NR4A1: variants seen among roughly 807,000 people sequenced by gnomAD.
NR4A1 encodes the protein nuclear receptor subfamily 4 group A member 1, also known as nuclear receptor subfamily 4immunitygroup A member 1.
In NR4A1, 24 loss-of-function variants were observed where a neutral mutation model predicts 47.5. The ratio of observed to expected loss-of-function variants is 0.50; its 90% confidence interval spans 0.37 to 0.71. NR4A1 has a LOEUF of 0.71. Among genes scored for constraint, NR4A1 ranks in the 30% least tolerant of loss-of-function variants. NR4A1 has a pLI of 0.00. For missense variants in NR4A1, 669 were observed against 788.6 expected (o/e 0.85, Z 1.82); for synonymous variants, 353 against 345.7 (o/e 1.02, Z -0.24).
At chr12:52,032,316 A>G (rs567805785) in intron 1 of NR4A1, among the ~76,000 whole-genome samples, 2 of 152,346 alleles carry the variant, frequency 1.3e-5, no homozygotes, top group South Asian at 4.1e-4. Context: ...CTCTTCTTTG[A>G]GGTGGGACAC....
chr12:52,047,589 T>A (rs1328975036), upstream of NR4A1, among the ~76,000 whole-genome samples: 4 of 152,218 alleles, frequency 2.6e-5, no homozygotes, highest in Admixed American at 6.5e-5. Flanking sequence ...CTGTAGTTCC[T>A]TATCCTCCTC....
Position 52,054,334 on chromosome 12 carries a change from C to G in NR4A1, c.6C>G (p.Pro2=), listed in dbSNP as rs1939128800. 6.2e-7 allele frequency: 1 copy of G among 1,607,216 alleles called. No individual in the cohort carries two copies. The highest frequency in any genetic ancestry group is 1.1e-5 in the South Asian group (1 of 90,242). Residue 2 remains proline, a synonymous_variant, in exon 2 of 7, where the codon CCC becomes CCG. Transcript: ENST00000394825. ...GGTCTCCTCTCTCTCCAGAGATGCC[C>G]TGTATCCAAGCCCAATATGGGACAC... M[P]CIQAQYGTPA... is the part of the protein sequence containing the mutation.
Position 52,058,866 on chromosome 12 carries a change from C to T in NR4A1, c.1719C>T (p.Ile573=). The change falls in exon 7 of 7, where the codon ATC becomes ATT. Residue 573 remains isoleucine, a synonymous_variant. Coordinates refer to ENST00000394825, the MANE Select transcript of NR4A1 (RefSeq NM_173157.3). Reference sequence around the variant, plus strand: ...TGTGCACCCAGGGCCTGCAGCGCATCTTCTACCTCAAGCTGGAGGACTTGG... The same window carrying T: ...TGTGCACCCAGGGCCTGCAGCGCATTTTCTACCTCAAGCTGGAGGACTTGG... ...RTLCTQGLQR[I]FYLKLEDLVP... 4 of 1,614,148 alleles carry T rather than the reference C, an allele frequency of 2.5e-6. No homozygotes were observed. The highest frequency in any genetic ancestry group is 3.4e-6 in the Non-Finnish European group (4 of 1,179,966).
chr12:52,027,713 G>A (rs539319508), intron 1 of NR4A1, among the ~76,000 whole-genome samples: 83 of 152,298 alleles, frequency 5.4e-4, no homozygotes, highest in Non-Finnish European at 2.9e-4. Context: ...CCTGTTTCAC[G>A]GCCCACTCTG....
chr12:52,055,173 G>T lies in NR4A1; in HGVS notation c.845G>T (p.Arg282Leu). The part of the protein sequence containing the change: ...DNASCQHYGV[R>L]TCEGCKGFFK... ...GCTTCATGCCAGCATTATGGTGTCC[G>T]CACATGTGAGGGCTGCAAGGGCTTC... The change falls in exon 2 of 7, where the codon CGC becomes CTC. Residue 282 changes from arginine to leucine, a missense_variant. Arg to Leu is a moderately radical substitution (Grantham distance 102, BLOSUM62 -2). Transcript: ENST00000394825. 6.2e-7 allele frequency: 1 copy of T among 1,613,564 alleles called. No homozygotes were observed.
At chr12:52,040,998 T>TG (rs1159077572) in intron 1 of NR4A1, among the ~76,000 whole-genome samples, 1 of 151,676 alleles carries the variant, frequency 6.6e-6, no homozygotes, top group Non-Finnish European at 1.5e-5. Flanking sequence ...CTGAAGAGGC[T>TG]GGGGTGTGGG....
chr12:52,050,618 G>C (rs1248198572), upstream of NR4A1, among the ~76,000 whole-genome samples: 3 of 152,236 alleles, frequency 2.0e-5, no homozygotes, highest in African/African-American at 7.2e-5. Context: ...TCAGCTTGTG[G>C]AGCGGAGCCA....
rs1592308944 is a variant in NR4A1, at chr12:52,057,070, T to G, written c.1172T>G (p.Val391Gly). The G allele has an allele frequency of 6.2e-7, 1 of 1,603,254 alleles. No individual in the cohort carries two copies. The highest frequency in any genetic ancestry group is 8.5e-7 in the Non-Finnish European group (1 of 1,174,602). ...KLDYSKFQEL[V>G]LPHFGKEDAG... is the part of the protein sequence containing the mutation. ...CCGTCTTCCTAGTTCCAGGAGCTGG[T>G]GCTGCCCCACTTTGGGAAGGAAGAT... The change falls in exon 5 of 7, where the codon GTG (valine) becomes GGG (glycine). Residue 391 changes from valine (V) to glycine (G), a missense_variant. Transcript: ENST00000394825.
chr12:52,037,370 G>A (rs1938273724), intron 1 of NR4A1: 1 of 985,652 alleles, frequency 1.0e-6, no homozygotes, highest in Non-Finnish European at 1.2e-6. Flanking sequence ...CTGCGGTGCA[G>A]AGCAGCTCAG....
At chr12:52,047,892 C>T (rs539561477), upstream of NR4A1, among the ~76,000 whole-genome samples, 862 of 152,224 alleles carry the variant, frequency 5.7e-3, 8 homozygotes, top group African/African-American at 0.018. Flanking sequence ...CGGTGGCTCA[C>T]GCCTGTAATC....
chr12:52,058,024 A>C (rs140909519), intron 6 of NR4A1, among the ~76,000 whole-genome samples: 2 of 151,994 alleles, frequency 1.3e-5, no homozygotes, highest in East Asian at 3.9e-4. Context: ...GAATCTCACT[A>C]TGTTGCCCGA....
At position 52,057,128 on chromosome 12, in the gene NR4A1, C is replaced by T. The variant is rs772619972; in HGVS notation, c.1230C>T (p.Leu410=). 1.9e-6 allele frequency: 3 copies of T among 1,613,790 alleles called. No homozygotes were observed. The highest frequency in any genetic ancestry group is 1.7e-5 in the Admixed American group (1 of 59,980). The change falls in exon 5 of 7, where the codon CTC becomes CTT. Residue 410 remains leucine, a synonymous_variant. Coordinates refer to ENST00000394825, the MANE Select transcript of NR4A1 (RefSeq NM_173157.3). Reference sequence around the variant, plus strand: ...ATGTACAGCAGTTCTACGACCTGCTCTCCGGTTCTCTGGAGGTCATCCGCA... The same window carrying T: ...ATGTACAGCAGTTCTACGACCTGCTTTCCGGTTCTCTGGAGGTCATCCGCA... ...AGDVQQFYDL[L]SGSLEVIRKW...
exon 2 of NR4A1, chr12:52,041,859 C>G: frequency 6.6e-7 from 1 of 1,523,028 alleles, no homozygotes; most frequent in Non-Finnish European, 8.8e-7. Flanking sequence ...GGCAGCCTGG[C>G]TCCTTCTGCT....
intron 2 of NR4A1, among the ~76,000 whole-genome samples, chr12:52,044,088 G>C (rs1239886903): frequency 6.6e-6 from 1 of 152,200 alleles, no homozygotes; most frequent in Non-Finnish European, 1.5e-5. Flanking sequence ...AGTTGGACTT[G>C]TGAACGCTGT....
exon 2 of NR4A1, chr12:52,041,916 G>T (rs1446351277): frequency 3.4e-6 from 5 of 1,488,916 alleles, no homozygotes; most frequent in African/African-American, 1.4e-5. Flanking sequence ...AGGCCTGTTG[G>T]TCCATCCAGA....
intron 1 of NR4A1, among the ~76,000 whole-genome samples, chr12:52,028,914 A>T (rs1054848649): frequency 6.7e-5 from 10 of 148,632 alleles, no homozygotes; most frequent in African/African-American, 2.2e-4. Context: ...AAAAACAAAA[A>T]CAAAAACAAA....
chr12:52,038,879 G>A (rs934709388), intron 1 of NR4A1: 2 of 648,460 alleles, frequency 3.1e-6, no homozygotes, highest in South Asian at 3.3e-5. Context: ...CAAAGGCCCA[G>A]GGACCCAGGC....
chr12:52,052,502 T>C (rs1374496369), intron 1 of NR4A1: 20 of 985,272 alleles, frequency 2.0e-5, no homozygotes, highest in Non-Finnish European at 2.4e-5. Context: ...ACAGGTAGGG[T>C]GCAGCCTGAG....
At chr12:52,037,760 G>C (rs897638168) in intron 1 of NR4A1, 1 of 985,476 alleles carries the variant, frequency 1.0e-6, no homozygotes, top group Non-Finnish European at 1.2e-6. Context: ...GCGGGAGCTC[G>C]TCTGCCAGGA....
Sources: gnomAD v4.1 joint callset for allele counts (sites outside exome capture counted in the v4.1 genomes callset) on GRCh38, gnomAD v4.1.1 for gene constraint, MANE v1.5 for transcripts, NCBI Gene and HGNC (gene_info 2026-07-23, HGNC 2026-07-21) for gene names.